The following SNX3 variants were observed in gnomAD, a reference collection of about 807,000 sequenced individuals.
SNX3 encodes sorting nexin-3.
A neutral mutation model predicts 17.7 loss-of-function variants in SNX3; 5 were observed. The observed-to-expected ratio is 0.28, with a 90% CI of 0.15 to 0.59. SNX3 has a LOEUF of 0.59. Ranked by LOEUF, SNX3 falls within the 20% of genes least tolerant of loss-of-function variation. SNX3 has a pLI of 0.88. For missense variants in SNX3, 132 were observed against 206.8 expected (o/e 0.64, Z 2.22); for synonymous variants, 91 against 76.5 (o/e 1.19, Z -0.99).
chr6:108,254,356 C>T (rs1171166869), intron 1 of SNX3, among the ~76,000 whole-genome samples: 1 of 151,934 alleles, frequency 6.6e-6, no homozygotes, highest in Admixed American at 6.6e-5. Context: ...CCCAATTACT[C>T]AGGAGGCGAA....
Position 108,229,957 on chromosome 6 carries a change from T to G in SNX3, c.163-6912A>C, listed in dbSNP as rs188724104. Among the ~76,000 whole-genome samples, 70 of 152,208 alleles carry G rather than the reference T, an allele frequency of 4.6e-4. No individual in the cohort carries two copies. The East Asian group carries it at 0.011, about 25-fold the overall frequency. On this transcript the variant is annotated intron_variant, in intron 1 of 3. Coordinates refer to ENST00000230085, the MANE Select transcript of SNX3 (RefSeq NM_003795.6). ...TAGAACAGAGAAGTTACTACAGAAG[T>G]AGAAGCCACAGATGAGCTGCATGTA...
intron 1 of SNX3, among the ~76,000 whole-genome samples, chr6:108,234,254 T>TATATAA (rs1029486948): frequency 1.3e-5 from 2 of 151,476 alleles, no homozygotes; most frequent in Admixed American, 1.3e-4. Context: ...TATATATATA[T>TATATAA]AACATATACA....
chr6:108,223,021 T>C lies in SNX3; in HGVS notation c.187A>G (p.Lys63Glu). 6.2e-7 allele frequency: 1 copy of C among 1,606,164 alleles called. No individual in the cohort carries two copies. The highest frequency in any genetic ancestry group is 8.5e-7 in the Non-Finnish European group (1 of 1,175,002). The part of the protein sequence containing the change: ...VKTNLPIFKL[K>E]ESTVRRRYSD... ...TATCTTCTTCTAACAGTAGATTCTT[T>C]CAGCTTGAAAATAGGAAGATTTGTC... Residue 63 changes from lysine (K) to glutamate (E), a missense_variant, in exon 2 of 4, where the codon AAA becomes GAA. Coordinates refer to ENST00000230085, the MANE Select transcript of SNX3 (RefSeq NM_003795.6).
At position 108,250,046 on chromosome 6, in the gene SNX3, G is replaced by A. The variant is rs141293119; in HGVS notation, c.162+10714C>T. 3.8e-3 allele frequency among the ~76,000 whole-genome samples: 579 copies of A among 152,202 alleles called. 2 individuals are homozygous for A. Among genetic ancestry groups the A allele is most frequent in the Admixed American group, 6.2e-3 (95 of 15,284 alleles). Reference sequence around the variant, plus strand: ...CCACCTCAGGTTCCTGAGTAGCTGGGACTAGAGGGGCACGCCACCACAGCT... The same window carrying A: ...CCACCTCAGGTTCCTGAGTAGCTGGAACTAGAGGGGCACGCCACCACAGCT... On this transcript the variant is annotated intron_variant, in intron 1 of 3. Coordinates refer to ENST00000230085, the MANE Select transcript of SNX3 (RefSeq NM_003795.6).
intron 1 of SNX3, among the ~76,000 whole-genome samples, chr6:108,226,433 CATA>C (rs1431609112): frequency 6.6e-6 from 1 of 152,168 alleles, no homozygotes; most frequent in Non-Finnish European, 1.5e-5. Flanking sequence ...AATGACTTAA[CATA>C]ATAACTAATG....
At chr6:108,255,437 C>T (rs564514473) in intron 1 of SNX3, among the ~76,000 whole-genome samples, 1 of 152,160 alleles carries the variant, frequency 6.6e-6, no homozygotes, top group South Asian at 2.1e-4. Flanking sequence ...GCAGTGTTGA[C>T]CTCCTCCTGG....
chr6:108,259,869 C>T (rs916792794), intron 1 of SNX3, among the ~76,000 whole-genome samples: 1 of 152,132 alleles, frequency 6.6e-6, no homozygotes, highest in African/African-American at 2.4e-5. Flanking sequence ...TAATAATTTG[C>T]TGTCATCTTT....
intron 1 of SNX3, among the ~76,000 whole-genome samples, chr6:108,227,494 T>C (rs571445549): frequency 6.6e-6 from 1 of 152,306 alleles, no homozygotes; most frequent in East Asian, 1.9e-4. Context: ...TGATTATATC[T>C]GATTCACTCT....
At chr6:108,215,165 C>T (rs1037108259) in intron 2 of SNX3, among the ~76,000 whole-genome samples, 8 of 151,044 alleles carry the variant, frequency 5.3e-5, no homozygotes, top group Admixed American at 2.6e-4. Context: ...CTGGCTAACA[C>T]GGTGAAACCC....
intron 1 of SNX3, among the ~76,000 whole-genome samples, chr6:108,258,534 G>A (rs544436900): frequency 4.2e-4 from 64 of 152,128 alleles, no homozygotes; most frequent in African/African-American, 1.5e-3. Flanking sequence ...TCCTGAGATA[G>A]GGTCTCATTC....
At chr6:108,230,747 A>G (rs1179593838) in intron 1 of SNX3, among the ~76,000 whole-genome samples, 3 of 152,332 alleles carry the variant, frequency 2.0e-5, no homozygotes, top group East Asian at 3.9e-4. Flanking sequence ...TAGAAACCCA[A>G]TATTAACAGT....
intron 1 of SNX3, among the ~76,000 whole-genome samples, chr6:108,231,696 A>G (rs1458038659): frequency 6.6e-6 from 1 of 152,198 alleles, no homozygotes; most frequent in Non-Finnish European, 1.5e-5. Context: ...AGCCCTTCAT[A>G]ATAAAATTTA....
intron 1 of SNX3, among the ~76,000 whole-genome samples, chr6:108,241,279 A>T (rs944667474): frequency 2.6e-5 from 4 of 152,152 alleles, no homozygotes; most frequent in African/African-American, 9.7e-5. Flanking sequence ...AGCCATGGAC[A>T]TGAGAAGACG....
intron 1 of SNX3, among the ~76,000 whole-genome samples, chr6:108,240,060 C>T (rs113121945): frequency 2.3e-3 from 357 of 152,238 alleles, no homozygotes; most frequent in Non-Finnish European, 4.3e-3. Context: ...CTCAACAGAG[C>T]GTCTCTCCAA....
chr6:108,244,329 T>A (rs1397485823), intron 1 of SNX3, among the ~76,000 whole-genome samples: 1 of 152,058 alleles, frequency 6.6e-6, no homozygotes, highest in Non-Finnish European at 1.5e-5. Flanking sequence ...CTAATTTTTA[T>A]TTTTTGTAGA....
chr6:108,231,170 T>C (rs771432230), intron 1 of SNX3, among the ~76,000 whole-genome samples: 8 of 151,812 alleles, frequency 5.3e-5, no homozygotes, highest in Admixed American at 1.3e-4. Flanking sequence ...AATGGCGCGA[T>C]GTCGGCTCAC....
intron 1 of SNX3, among the ~76,000 whole-genome samples, chr6:108,226,379 G>C (rs1186789004): frequency 6.6e-6 from 1 of 152,106 alleles, no homozygotes; most frequent in Non-Finnish European, 1.5e-5. Flanking sequence ...CAGCCAAAAA[G>C]ATTTTAAAAT....
chr6:108,212,658 C>T (rs1774443538), intron 3 of SNX3, among the ~76,000 whole-genome samples: 1 of 151,912 alleles, frequency 6.6e-6, no homozygotes, highest in East Asian at 1.9e-4. Context: ...TACAGTTTAC[C>T]AATAAGTATT....
rs577559829 is a variant in SNX3, at chr6:108,247,667, C to A, written c.162+13093G>T. The stretch of plus-strand genomic sequence containing the variant: ...AAAGGGCTAAAATTATAGGCATGAG[C>A]CACCACGCCCAGCCTATCATTTGTT... On this transcript the variant is annotated intron_variant, in intron 1 of 3. Coordinates refer to ENST00000230085, the MANE Select transcript of SNX3 (RefSeq NM_003795.6). Among the ~76,000 whole-genome samples, 7 of 152,276 alleles carry A rather than the reference C, an allele frequency of 4.6e-5. No individual in the cohort carries two copies. The East Asian group carries it at 1.4e-3, about 29-fold the overall frequency.
Sources: allele counts gnomAD v4.1 joint callset (sites outside exome capture counted in the v4.1 genomes callset), GRCh38; gene constraint gnomAD v4.1.1; transcripts MANE v1.5; gene names NCBI Gene and HGNC (gene_info 2026-07-23, HGNC 2026-07-21).